SPHKAP: variants seen among roughly 807,000 people sequenced by gnomAD.
SPHKAP encodes A-kinase anchor protein SPHKAP.
A neutral mutation model predicts 137.5 loss-of-function variants in SPHKAP; 67 were observed. The observed-to-expected ratio is 0.49, with a 90% CI of 0.40 to 0.60. The LOEUF is 0.60. Among genes scored for constraint, SPHKAP ranks in the 20% least tolerant of loss-of-function variants. The pLI, the probability that SPHKAP is intolerant of heterozygous loss-of-function variation, is 0.00. For synonymous variants in SPHKAP, 813 were observed against 785.3 expected, an observed-to-expected ratio of 1.04 and a Z score of -0.59; for missense variants, 2,097 against 2,069.3, an observed-to-expected ratio of 1.01 and a Z score of -0.26.
At position 227,995,584 on chromosome 2, in the gene SPHKAP, C is replaced by T; in HGVS notation, c.4559G>A (p.Trp1520Ter). Residue 1520 changes from tryptophan (W) to a stop codon, truncating the protein, a stop_gained, in exon 8 of 12, where the codon TGG (tryptophan) becomes TAG (stop). Transcript: ENST00000392056. LOFTEE classifies it high-confidence loss of function. ...GTCTTCCTCATTGGCAAGCTGGGTC[C>T]AGCTGCCTGTGCTCTCCTCGCTGCT... Reference protein sequence around the residue: ...PSSSEESTGSWTQLANEEDNP... With the variant: ...PSSSEESTGS 1 of 1,614,090 alleles carries T rather than the reference C, an allele frequency of 6.2e-7. No individual in the cohort carries two copies. The highest frequency in any genetic ancestry group is 1.1e-5 in the South Asian group (1 of 91,076).
At chr2:228,180,334 G>A (rs1700866909) in intron 1 of SPHKAP, among the ~76,000 whole-genome samples, 1 of 152,142 alleles carries the variant, frequency 6.6e-6, no homozygotes, top group Non-Finnish European at 1.5e-5. Context: ...TCTCTAGATG[G>A]CAGCCTTCAA....
At chr2:228,092,267 A>ACACACACGTGTATGTGCGTGTATACGTG (rs1697788409) in intron 3 of SPHKAP, among the ~76,000 whole-genome samples, 1 of 141,924 alleles carries the variant, frequency 7.0e-6, no homozygotes, top group Non-Finnish European at 1.5e-5. Flanking sequence ...GTATACGTAC[A>ACACACACGTGTATGTGCGTGTATACGTG]CACACACGTG....
intron 1 of SPHKAP, among the ~76,000 whole-genome samples, chr2:228,175,873 A>G (rs1700724319): frequency 6.6e-6 from 1 of 152,196 alleles, no homozygotes; most frequent in Non-Finnish European, 1.5e-5. Context: ...CTAATATCAG[A>G]TAAAGTCAAC....
chr2:228,015,794 AAAAAC>A (rs1694560180), intron 7 of SPHKAP, among the ~76,000 whole-genome samples: 1 of 152,226 alleles, frequency 6.6e-6, no homozygotes, highest in South Asian at 2.1e-4. Context: ...GAAAAAGACA[AAAAAC>A]AAAAACAGAA....
chr2:228,050,252 T>C (rs1022182764), intron 3 of SPHKAP, among the ~76,000 whole-genome samples: 1 of 152,172 alleles, frequency 6.6e-6, no homozygotes, highest in South Asian at 2.1e-4. Flanking sequence ...AATACATTAA[T>C]TCAGCCACTG....
intron 1 of SPHKAP, among the ~76,000 whole-genome samples, chr2:228,136,879 C>A (rs1486172375): frequency 6.6e-6 from 1 of 152,100 alleles, no homozygotes; most frequent in Non-Finnish European, 1.5e-5. Flanking sequence ...GATATTACTT[C>A]ATTTAGGAAT....
intron 2 of SPHKAP, among the ~76,000 whole-genome samples, chr2:228,121,291 C>T (rs148247788): frequency 0.019 from 2,965 of 152,270 alleles, 100 homozygotes; most frequent in African/African-American, 0.068. Context: ...AGGAGGATGA[C>T]TTGAGGCCAG....
chr2:228,056,139 G>T (rs758417618), intron 3 of SPHKAP, among the ~76,000 whole-genome samples: 2 of 152,224 alleles, frequency 1.3e-5, no homozygotes, highest in African/African-American at 2.4e-5. Flanking sequence ...TCTCACAGCA[G>T]CTTGAGCCTC....
intron 1 of SPHKAP, among the ~76,000 whole-genome samples, chr2:228,158,835 T>G (rs1662698437): frequency 6.6e-6 from 1 of 152,216 alleles, no homozygotes; most frequent in African/African-American, 2.4e-5. Context: ...GCATTACAAT[T>G]AGCCCAAATT....
At chr2:228,084,356 G>T (rs922075847) in intron 3 of SPHKAP, among the ~76,000 whole-genome samples, 1 of 152,088 alleles carries the variant, frequency 6.6e-6, no homozygotes, top group Non-Finnish European at 1.5e-5. Flanking sequence ...AAACCGAAAG[G>T]TCATCTCTGC....
At position 228,015,907 on chromosome 2, in the gene SPHKAP, ATTTG is replaced by A. The variant is rs567391738; in HGVS notation, c.4448+495_4448+498del. On this transcript the variant is annotated intron_variant, in intron 7 of 11. Transcript: ENST00000392056. ...ATGTCAAATGCCAAAACTAATATTT[ATTTG>A]ACTGTTTTCAAATGAATAAGTTGCA... Among the ~76,000 whole-genome samples, 597 of 152,342 alleles carry A rather than the reference ATTTG, an allele frequency of 3.9e-3. 2 individuals are homozygous for A. The highest frequency in any genetic ancestry group is 0.013 in the African/African-American group (558 of 41,580).
At chr2:228,124,344 C>G (rs1699004581) in intron 2 of SPHKAP, among the ~76,000 whole-genome samples, 1 of 151,936 alleles carries the variant, frequency 6.6e-6, no homozygotes, top group Non-Finnish European at 1.5e-5. Flanking sequence ...AAATGTCCAA[C>G]AATGATAGAC....
intron 3 of SPHKAP, among the ~76,000 whole-genome samples, chr2:228,060,161 A>G (rs140312264): frequency 1.1e-4 from 16 of 152,316 alleles, no homozygotes; most frequent in African/African-American, 3.8e-4. Flanking sequence ...TAAATAGGAT[A>G]GAAGGGATAT....
At chr2:228,150,793 C>T (rs1179205435) in intron 1 of SPHKAP, among the ~76,000 whole-genome samples, 2 of 151,904 alleles carry the variant, frequency 1.3e-5, no homozygotes, top group East Asian at 3.9e-4. Flanking sequence ...TTCTGTCGCC[C>T]AGGCTGGAGT....
intron 3 of SPHKAP, among the ~76,000 whole-genome samples, chr2:228,070,345 G>C (rs189754662): frequency 3.9e-4 from 59 of 152,300 alleles, no homozygotes; most frequent in Non-Finnish European, 5.0e-4. Flanking sequence ...CATTAAAGGT[G>C]GATGAAGTAG....
chr2:227,981,739 T>G lies in SPHKAP; in HGVS notation c.5081A>C (p.Asp1694Ala). The change falls in exon 12 of 12, where the codon GAC (aspartate) becomes GCC (alanine). Residue 1694 changes from aspartate to alanine, a missense_variant. By Grantham distance (126) the Asp-to-Ala change is moderately radical. Transcript: ENST00000392056. ...EQKDGRLSLF[D>A]WLLELG is the part of the protein sequence containing the mutation. ...TTATTATCCCAGTTCCAAGAGCCAG[T>G]CAAAGAGACTCAGTCTCCCATCCTT... 1 of 1,613,512 alleles carries G rather than the reference T, an allele frequency of 6.2e-7. No individual in the cohort carries two copies. Among genetic ancestry groups the G allele is most frequent in the South Asian group, 1.1e-5 (1 of 91,010 alleles).
chr2:228,103,332 G>A (rs1698233086), intron 3 of SPHKAP, among the ~76,000 whole-genome samples: 1 of 152,172 alleles, frequency 6.6e-6, no homozygotes, highest in Admixed American at 6.5e-5. Flanking sequence ...CACACAGATG[G>A]GCTTGGGGTT....
chr2:228,014,819 A>T (rs570774264), intron 7 of SPHKAP, among the ~76,000 whole-genome samples: 16 of 152,332 alleles, frequency 1.1e-4, no homozygotes, highest in African/African-American at 3.6e-4. Context: ...GGTAAATAAT[A>T]AACAATATAG....
intron 7 of SPHKAP, among the ~76,000 whole-genome samples, chr2:227,998,225 C>T (rs750405760): frequency 4.6e-5 from 7 of 152,070 alleles, no homozygotes; most frequent in East Asian, 1.9e-4. Flanking sequence ...GGGCTGGTCT[C>T]GAACTCAAGT....
Sources: allele counts gnomAD v4.1 joint callset (sites outside exome capture counted in the v4.1 genomes callset), GRCh38; gene constraint gnomAD v4.1.1; transcripts MANE v1.5; gene names NCBI Gene and HGNC (gene_info 2026-07-23, HGNC 2026-07-21).